The following SDR42E1 variants were observed in gnomAD, a reference collection of about 807,000 sequenced individuals.
The protein encoded by SDR42E1 is short-chain dehydrogenase/reductase family 42E member 1.
A neutral mutation model predicts 2.6 loss-of-function variants in SDR42E1; 5 were observed. The observed-to-expected ratio is 1.94, with a 90% CI of 1.01 to 4.08. The LOEUF (loss-of-function observed/expected upper bound fraction) is 4.08, where lower values mean the gene tolerates loss of function less well. Among genes scored for constraint, SDR42E1 ranks in the 30% most tolerant of loss-of-function variants. The probability of loss-of-function intolerance (pLI) is 0.00; values close to 1 mark genes in which losing one functional copy is unlikely to be tolerated. For missense variants in SDR42E1, 596 were observed against 478.6 expected, an observed-to-expected ratio of 1.25 and a Z score of -2.29; for synonymous variants, 231 against 188.3, an observed-to-expected ratio of 1.23 and a Z score of -1.86.
At chr16:82,005,667 G>A (rs758505330) in intron 1 of SDR42E1, among the ~76,000 whole-genome samples, 1 of 152,100 alleles carries the variant, frequency 6.6e-6, no homozygotes, top group Non-Finnish European at 1.5e-5. Flanking sequence ...ATTCCTTCTA[G>A]GGCTGGGCAC....
At chr16:82,006,523 T>C (rs756671057) in intron 1 of SDR42E1, among the ~76,000 whole-genome samples, 1 of 152,242 alleles carries the variant, frequency 6.6e-6, no homozygotes, top group African/African-American at 2.4e-5. Context: ...CTGGGTGCAG[T>C]GGCTCACGCC....
rs149413307 is a variant in SDR42E1 at position 82,009,360 on chromosome 16, C to T, written c.-27+2027G>A. 4.7e-3 allele frequency among the ~76,000 whole-genome samples: 717 copies of T among 152,336 alleles called. 4 individuals are homozygous for T. Among genetic ancestry groups the T allele is most frequent in the Middle Eastern group, 0.027 (8 of 294 alleles). ...ACCTAGAAAAGCAGCAGACACTAAA[C>T]GCCAGCCCTGGAAGCAGCCAAAAGT... On this transcript the variant is annotated intron_variant, in intron 1 of 2. Coordinates refer to ENST00000328945, the MANE Select transcript of SDR42E1 (RefSeq NM_145168.3).
intron 1 of SDR42E1, among the ~76,000 whole-genome samples, chr16:82,001,268 C>G (rs74029335): frequency 5.3e-5 from 8 of 152,140 alleles, no homozygotes; most frequent in Non-Finnish European, 1.2e-4. Context: ...GCATTTCCCC[C>G]CCATGCATCA....
chr16:82,006,201 ATTTAC>A (rs1430994896), intron 1 of SDR42E1, among the ~76,000 whole-genome samples: 5 of 152,174 alleles, frequency 3.3e-5, no homozygotes, highest in Non-Finnish European at 5.9e-5. Flanking sequence ...AAAAAACTGT[ATTTAC>A]TTTAAGAGAG....
Position 81,991,517 on chromosome 16 carries a change from G to C in SDR42E1, c.*7594C>G, listed in dbSNP as rs1027715814. The C allele has an allele frequency of 6.6e-6, 1 of 152,002 alleles. No individual in the cohort carries two copies. Among genetic ancestry groups the C allele is most frequent in the African/African-American group, 2.4e-5 (1 of 41,364 alleles). The allele number at this position is 152,002 out of a possible 1,614,324, so 9.4% of individuals were successfully genotyped here. A position where few individuals can be genotyped will look rare whatever the true frequency, so the allele number is the denominator to read the frequency against. On this transcript the variant is annotated 3_prime_UTR_variant, in exon 3 of 3. Transcript: ENST00000328945. ...GGATTGCTTGGGGCAAGGAATTCAA[G>C]ACCAGCCCAGGTAACATAGTGAAAC...
At position 81,995,234 on chromosome 16, in the gene SDR42E1, G is replaced by C. The variant is rs1285670654; in HGVS notation, c.*3877C>G. ...AGCCATGGGTGAGGTAGCAGTGCTG[G>C]GTGGCTTCTGCCCAGACCTCTGAGA... On this transcript the variant is annotated 3_prime_UTR_variant, in exon 3 of 3. Transcript: ENST00000328945. 1 of 152,160 alleles carries C rather than the reference G, an allele frequency of 6.6e-6. No individual in the cohort carries two copies. The allele number at this position is 152,160 out of a possible 1,614,324, so 9.4% of individuals were successfully genotyped here.
intron 1 of SDR42E1, among the ~76,000 whole-genome samples, chr16:82,005,106 G>A (rs979707978): frequency 1.3e-5 from 2 of 152,198 alleles, no homozygotes; most frequent in Admixed American, 1.3e-4. Context: ...CATTCCAACG[G>A]AAATACCTAT....
chr16:81,999,835 G>T lies in SDR42E1; in HGVS notation c.458C>A (p.Ser153Tyr). Reference protein sequence around the residue: ...LPLHLHPDHYSRTKSIAEQKV... With the variant: ...LPLHLHPDHYYRTKSIAEQKV... ...CTGCTCTGCAATTGACTTTGTCCGA[G>T]AGTAGTGATCAGGGTGGAGGTGAAG... is the stretch of plus-strand genomic sequence containing the variant. The change falls in exon 3 of 3, where the codon TCT becomes TAT. Residue 153 changes from serine (S) to tyrosine (Y), a missense_variant. Transcript: ENST00000328945. The T allele has an allele frequency of 6.2e-7, 1 of 1,614,216 alleles. No homozygotes were observed. The highest frequency in any genetic ancestry group is 8.5e-7 in the Non-Finnish European group (1 of 1,180,040).
At position 81,999,687 on chromosome 16, in the gene SDR42E1, G is replaced by C. The variant is rs779462498; in HGVS notation, c.606C>G (p.Ser202Arg). 6.2e-7 allele frequency: 1 copy of C among 1,614,226 alleles called. No individual in the cohort carries two copies. Among genetic ancestry groups the C allele is most frequent in the East Asian group, 2.2e-5 (1 of 44,886 alleles). ...ACTTGAACAGACCCTTCTCGATGTA[G>C]CTGACTATCCTGGGAAGGTGTCTTT... The part of the protein sequence containing the change: ...GEQRHLPRIV[S>R]YIEKGLFKFV... Residue 202 changes from serine (S) to arginine (R), a missense_variant, in exon 3 of 3, where the codon AGC (serine) becomes AGG (arginine). Ser to Arg is a moderately radical substitution (Grantham distance 110). Transcript: ENST00000328945.
rs1912403598 is a variant in SDR42E1, at chr16:81,990,550, A to G, written c.*8561T>C. 6.6e-6 allele frequency: 1 copy of G among 152,186 alleles called. No individual in the cohort carries two copies. The highest frequency in any genetic ancestry group is 2.4e-5 in the African/African-American group (1 of 41,456). 9.4% of individuals were successfully genotyped at this position (152,186 alleles called of 1,614,324 possible). A position where few individuals can be genotyped will look rare whatever the true frequency, so the allele number is the denominator to read the frequency against. ...TTCCATCTTTCCCAGCAGAAACACT[A>G]TTAATTAAGGATCCATGTGCATAGT... On this transcript the variant is annotated 3_prime_UTR_variant, in exon 3 of 3. Transcript: ENST00000328945.
intron 1 of SDR42E1, chr16:82,008,002 G>T (rs1913002045): frequency 6.6e-6 from 1 of 152,158 alleles, no homozygotes; most frequent in Non-Finnish European, 1.5e-5. Flanking sequence ...TGTCCTGGAG[G>T]GACCCGGTAG....
At chr16:82,009,189 A>G (rs1304555753) in intron 1 of SDR42E1, among the ~76,000 whole-genome samples, 1 of 152,182 alleles carries the variant, frequency 6.6e-6, no homozygotes, top group African/African-American at 2.4e-5. Context: ...ATGGAGAACC[A>G]CTGCTAGAGC....
chr16:81,999,056 T>A lies in SDR42E1; in HGVS notation c.*55A>T. ...ATCACTGTACACATTTTAAAACCCATGTTTCTTGAGAACCATCTCAGCCAA... is the reference window on the plus strand; with the variant it reads ...ATCACTGTACACATTTTAAAACCCAAGTTTCTTGAGAACCATCTCAGCCAA... On this transcript the variant is annotated 3_prime_UTR_variant, in exon 3 of 3. Transcript: ENST00000328945. 6.4e-7 allele frequency: 1 copy of A among 1,552,078 alleles called. No individual in the cohort carries two copies.
Position 82,000,223 on chromosome 16 carries a change from G to C in SDR42E1, c.70C>G (p.Leu24Val). The change falls in exon 3 of 3, where the codon CTG (leucine) becomes GTG (valine). Residue 24 changes from leucine to valine, a missense_variant and splice_region_variant. Coordinates refer to ENST00000328945, the MANE Select transcript of SDR42E1 (RefSeq NM_145168.3). The stretch of plus-strand genomic sequence containing the variant: ...CCATTTTGGTTCAGGGCACAGCCCA[G>C]GCTGAAATAAGAAACAGTAAACGTT... ...TGGSGYFGFR[L>V]GCALNQNGVH... 6.2e-7 allele frequency: 1 copy of C among 1,604,686 alleles called. No individual in the cohort carries two copies. Among genetic ancestry groups the C allele is most frequent in the Non-Finnish European group, 8.5e-7 (1 of 1,177,406 alleles).
In SDR42E1 at chr16:82,000,154, T is replaced by C. The variant is rs771348770; in HGVS notation, c.139A>G (p.Ile47Val). The C allele has an allele frequency of 3.1e-6, 5 of 1,613,842 alleles. No homozygotes were observed. Among genetic ancestry groups the C allele is most frequent in the African/African-American group, 2.7e-5 (2 of 74,946 alleles). ...TGTATAAACTTGATTCCTTCTGGAA[T>C]GGTTTGAGCAGGGCTGCTGATGTCA... is the stretch of plus-strand genomic sequence containing the variant. ...LFDISSPAQT[I>V]PEGIKFIQGD... The change falls in exon 3 of 3, where the codon ATT becomes GTT. Residue 47 changes from isoleucine to valine, a missense_variant. Coordinates refer to ENST00000328945, the MANE Select transcript of SDR42E1 (RefSeq NM_145168.3).
chr16:82,011,439 G>T lies in SDR42E1; in HGVS notation c.-79C>A, dbSNP rs1414513674. 6.6e-6 allele frequency: 1 copy of T among 152,474 alleles called. No individual in the cohort carries two copies. Among genetic ancestry groups the T allele is most frequent in the Non-Finnish European group, 1.5e-5 (1 of 68,284 alleles). 9.4% of individuals were successfully genotyped at this position (152,474 alleles called of 1,614,324 possible). A position where few individuals can be genotyped will look rare whatever the true frequency, so the allele number is the denominator to read the frequency against. On this transcript the variant is annotated 5_prime_UTR_variant, in exon 1 of 3. Transcript: ENST00000328945. Reference sequence around the variant, plus strand: ...GGCTACAGCAGGCAGAGAGGCCCAGGCCTCCTAGCTACCCATCACCACAGC... The same window carrying T: ...GGCTACAGCAGGCAGAGAGGCCCAGTCCTCCTAGCTACCCATCACCACAGC...
chr16:82,008,348 T>C (rs7201738), intron 1 of SDR42E1, among the ~76,000 whole-genome samples: 28,362 of 152,236 alleles, frequency 0.19, 7,862 homozygotes, highest in African/African-American at 0.6. Context: ...GAAGTGACTT[T>C]GGAACTGGTT....
rs1912410452 is a variant in SDR42E1, at chr16:81,990,883, T to C, written c.*8228A>G. ...TGCTTTGTAAAAAGTTCACCCTTCTTTGGGAGAATTTAAACATCTAAGGGC... is the reference window on the plus strand; with the variant it reads ...TGCTTTGTAAAAAGTTCACCCTTCTCTGGGAGAATTTAAACATCTAAGGGC... On this transcript the variant is annotated 3_prime_UTR_variant, in exon 3 of 3. Transcript: ENST00000328945. The C allele has an allele frequency of 6.6e-6, 1 of 152,170 alleles. No homozygotes were observed. Among genetic ancestry groups the C allele is most frequent in the Admixed American group, 6.5e-5 (1 of 15,284 alleles). 9.4% of individuals were successfully genotyped at this position (152,170 alleles called of 1,614,324 possible). A position where few individuals can be genotyped will look rare whatever the true frequency, so the allele number is the denominator to read the frequency against.
chr16:82,000,215 A>G lies in SDR42E1; in HGVS notation c.78T>C (p.Cys26=), dbSNP rs1233015348. ...CATGGACTCCATTTTGGTTCAGGGCACAGCCCAGGCTGAAATAAGAAACAG... is the reference window on the plus strand; with the variant it reads ...CATGGACTCCATTTTGGTTCAGGGCGCAGCCCAGGCTGAAATAAGAAACAG... ...GSGYFGFRLG[C]ALNQNGVHVI... Residue 26 remains cysteine, a synonymous_variant, in exon 3 of 3, where the codon TGT becomes TGC. Coordinates refer to ENST00000328945, the MANE Select transcript of SDR42E1 (RefSeq NM_145168.3). 3.1e-6 allele frequency: 5 copies of G among 1,606,738 alleles called. No individual in the cohort carries two copies. The highest frequency in any genetic ancestry group is 1.7e-5 in the Admixed American group (1 of 59,992).
Sources: allele counts gnomAD v4.1 joint callset (sites outside exome capture counted in the v4.1 genomes callset), GRCh38; gene constraint gnomAD v4.1.1; transcripts MANE v1.5; gene names NCBI Gene and HGNC (gene_info 2026-07-23, HGNC 2026-07-21).